PRDM16: variants seen among roughly 807,000 people sequenced by gnomAD.
PRDM16 encodes PR/SET domain 16.
Under a neutral mutation model 110.6 loss-of-function variants are expected in PRDM16, and 23 were observed. The ratio of observed to expected loss-of-function variants is 0.21; its 90% CI spans 0.15 to 0.29. The LOEUF is 0.29. Ranked by LOEUF, PRDM16 falls within the 10% of genes least tolerant of loss-of-function variation. The pLI is 1.00. For synonymous variants in PRDM16, 799 were observed against 781.8 expected (o/e 1.02, Z -0.37); for missense variants, 1,615 against 1,794.3 (o/e 0.90, Z 1.81).
chr1:3,434,319 A>G lies in PRDM16; in HGVS notation c.*508A>G, dbSNP rs1638851579. 1 of 232,718 alleles carries G rather than the reference A, an allele frequency of 4.3e-6. No homozygotes were observed. The highest frequency in any genetic ancestry group is 1.8e-4 in the South Asian group (1 of 5,538). The allele number at this position is 232,718 out of a possible 1,614,324, so 14.4% of individuals were successfully genotyped here. Reference sequence around the variant, plus strand: ...TTTTAAAAATAGACAGTATTTTTTAAAAATCAAAAAATGACTTGCAAATTG... The same window carrying G: ...TTTTAAAAATAGACAGTATTTTTTAGAAATCAAAAAATGACTTGCAAATTG... On this transcript the variant is annotated 3_prime_UTR_variant, in exon 17 of 17. Coordinates refer to ENST00000270722, the MANE Select transcript of PRDM16 (RefSeq NM_022114.4).
At chr1:3,173,629 A>G (rs1019548199) in intron 1 of PRDM16, among the ~76,000 whole-genome samples, 7 of 152,072 alleles carry the variant, frequency 4.6e-5, no homozygotes, top group Non-Finnish European at 7.4e-5. Context: ...CAGCGCAGCC[A>G]GGCCCACCCG....
At chr1:3,282,160 A>C (rs1236491047) in intron 3 of PRDM16, among the ~76,000 whole-genome samples, 1 of 152,220 alleles carries the variant, frequency 6.6e-6, no homozygotes, top group Non-Finnish European at 1.5e-5. Flanking sequence ...CTCCCTTCAC[A>C]GGCCTGAGCA....
Position 3,236,490 on chromosome 1 carries a change from G to A in PRDM16, c.388-7597G>A, listed in dbSNP as rs546527329. Among the ~76,000 whole-genome samples the A allele has an allele frequency of 2.6e-5, 4 of 152,352 alleles. No individual in the cohort carries two copies. The South Asian group carries it at 8.3e-4, about 32-fold the overall frequency. ...AAAGTGAGTCCTCACAGGGCTGCTT[G>A]CAGGCTGGAAGGGAGTGGGGCCTCC... is the stretch of plus-strand genomic sequence containing the variant. On this transcript the variant is annotated intron_variant, in intron 2 of 16. Transcript: ENST00000270722.
chr1:3,155,890 G>A (rs565491271), intron 1 of PRDM16, among the ~76,000 whole-genome samples: 2 of 152,280 alleles, frequency 1.3e-5, no homozygotes, highest in East Asian at 1.9e-4. Context: ...AGAGCTGCTC[G>A]GTGTAATGGA....
rs1640946024 is a variant in PRDM16, at chr1:3,290,373, T to C, written c.438+46236T>C. ...GGAGAGCCTCTCAGTATCCCCACCT[T>C]ATAGATGAGGAGGCACAGAGAGGGG... On this transcript the variant is annotated intron_variant, in intron 3 of 16. Coordinates refer to ENST00000270722, the MANE Select transcript of PRDM16 (RefSeq NM_022114.4). The surrounding 1 kb of genome is among the most constrained non-coding windows in gnomAD (Gnocchi z 4.8). Among the ~76,000 whole-genome samples the C allele has an allele frequency of 6.6e-6, 1 of 152,214 alleles. No homozygotes were observed. The highest frequency in any genetic ancestry group is 6.5e-5 in the Admixed American group (1 of 15,300).
At chr1:3,391,246 G>A (rs967487945) in intron 4 of PRDM16, among the ~76,000 whole-genome samples, 1 of 152,156 alleles carries the variant, frequency 6.6e-6, no homozygotes, top group African/African-American at 2.4e-5. Flanking sequence ...CGGGAGGAGG[G>A]CAGGGGGCTC....
chr1:3,114,195 A>ACACG (rs1265056340), intron 1 of PRDM16, among the ~76,000 whole-genome samples: 1 of 127,332 alleles, frequency 7.9e-6, no homozygotes, highest in East Asian at 2.8e-4. Context: ...GCACACACGC[A>ACACG]CACGCACGCA....
chr1:3,366,154 G>T (rs915813888), intron 3 of PRDM16, among the ~76,000 whole-genome samples: 1 of 152,244 alleles, frequency 6.6e-6, no homozygotes, highest in African/African-American at 2.4e-5. Context: ...GCCCCGATGT[G>T]CCGACAGCCG....
rs561814515 is a variant in PRDM16 at position 3,238,878 on chromosome 1, C to T, written c.388-5209C>T. Among the ~76,000 whole-genome samples the T allele has an allele frequency of 1.3e-3, 201 of 152,358 alleles. 1 individual carries two copies. The highest frequency in any genetic ancestry group is 4.2e-3 in the African/African-American group (174 of 41,592). On this transcript the variant is annotated intron_variant, in intron 2 of 16. Transcript: ENST00000270722. ...GCGGGCGCTGCCCTGAGCAGCTCCT[C>T]GACATCTGCCCGGTCACCTCAACTC...
intron 3 of PRDM16, among the ~76,000 whole-genome samples, chr1:3,377,745 T>C (rs1034585230): frequency 2.6e-5 from 4 of 152,204 alleles, no homozygotes; most frequent in African/African-American, 7.2e-5. Context: ...GATCACTACC[T>C]GCTAAAGCCG....
intron 1 of PRDM16, among the ~76,000 whole-genome samples, chr1:3,185,750 G>A (rs529258612): frequency 6.6e-6 from 1 of 152,356 alleles, no homozygotes; most frequent in East Asian, 1.9e-4. Flanking sequence ...TTCACCGGCT[G>A]TCCCCAGGCT....
chr1:3,072,267 A>G (rs1044750974), intron 1 of PRDM16, among the ~76,000 whole-genome samples: 3 of 152,154 alleles, frequency 2.0e-5, no homozygotes, highest in African/African-American at 7.2e-5. Flanking sequence ...GGGGGTTAGC[A>G]CCACCAAGGT....
intron 1 of PRDM16, among the ~76,000 whole-genome samples, chr1:3,085,257 C>T (rs1317784643): frequency 6.6e-6 from 1 of 152,190 alleles, no homozygotes; most frequent in Non-Finnish European, 1.5e-5. Flanking sequence ...GGGAGGGTCT[C>T]AGAGTTTCCT....
At chr1:3,278,026 C>T (rs1201001635) in intron 3 of PRDM16, among the ~76,000 whole-genome samples, 1 of 152,204 alleles carries the variant, frequency 6.6e-6, no homozygotes, top group Non-Finnish European at 1.5e-5. Context: ...GGAGGGAGGG[C>T]AGGGCAGGGG....
intron 3 of PRDM16, among the ~76,000 whole-genome samples, chr1:3,250,477 G>A (rs1015085634): frequency 2.0e-5 from 3 of 151,470 alleles, no homozygotes; most frequent in African/African-American, 2.4e-5. Flanking sequence ...CCCCCCCACC[G>A]CCATTCTAAA....
At chr1:3,266,413 A>G (rs1640294389) in intron 3 of PRDM16, among the ~76,000 whole-genome samples, 1 of 152,110 alleles carries the variant, frequency 6.6e-6, no homozygotes, top group Non-Finnish European at 1.5e-5. Flanking sequence ...CACTTACCTC[A>G]GTAGACGCGA....
chr1:3,301,564 C>T (rs905926377), intron 3 of PRDM16, among the ~76,000 whole-genome samples: 2 of 152,208 alleles, frequency 1.3e-5, no homozygotes, highest in Non-Finnish European at 2.9e-5. Context: ...GCTGACACCT[C>T]TGGCGGAGCC....
chr1:3,253,290 C>T (rs1254265487), intron 3 of PRDM16, among the ~76,000 whole-genome samples: 2 of 151,500 alleles, frequency 1.3e-5, no homozygotes, highest in African/African-American at 4.9e-5. Flanking sequence ...ATGTGCCATG[C>T]TGGTGTGCTG....
chr1:3,107,209 C>T (rs547495931), intron 1 of PRDM16, among the ~76,000 whole-genome samples: 24 of 152,366 alleles, frequency 1.6e-4, no homozygotes, highest in Middle Eastern at 3.4e-3. Flanking sequence ...AAGCTGCTCA[C>T]CTTGAACCTC....
Sources: allele counts gnomAD v4.1 joint callset (sites outside exome capture counted in the v4.1 genomes callset), GRCh38; gene constraint gnomAD v4.1.1; non-coding constraint Gnocchi (gnomAD v3.1); transcripts MANE v1.5; gene names NCBI Gene and HGNC (gene_info 2026-07-23, HGNC 2026-07-21).